DGKG: variants seen among roughly 807,000 people sequenced by gnomAD.
DGKG encodes the protein DAG kinase gamma.
DGKG carries 78 observed loss-of-function variants against 105.3 expected under a neutral mutation model. That is an observed-to-expected ratio of 0.74 (90% confidence interval 0.62 to 0.89). The LOEUF (loss-of-function observed/expected upper bound fraction) is 0.89, where lower values mean the gene tolerates loss of function less well. Among genes scored for constraint, DGKG ranks in the 40% least tolerant of loss-of-function variants. The pLI, the probability that DGKG is intolerant of heterozygous loss-of-function variation, is 0.00. For missense variants in DGKG, 958 were observed against 1,020.1 expected (o/e 0.94, Z 0.83); for synonymous variants, 346 against 367.1 (o/e 0.94, Z 0.66).
chr3:186,245,350 G>A (rs75727442), intron 19 of DGKG, among the ~76,000 whole-genome samples: 1 of 152,286 alleles, frequency 6.6e-6, no homozygotes, highest in East Asian at 1.9e-4. Flanking sequence ...AAGGCAATGA[G>A]GGTGAAGACT....
At chr3:186,317,553 G>GA (rs1560151735) in intron 2 of DGKG, among the ~76,000 whole-genome samples, 1 of 152,098 alleles carries the variant, frequency 6.6e-6, no homozygotes, top group Non-Finnish European at 1.5e-5. Context: ...TCCAGCCTGG[G>GA]AGCTGCTTGC....
intron 1 of DGKG, among the ~76,000 whole-genome samples, chr3:186,352,269 C>T (rs1438377122): frequency 2.0e-5 from 3 of 152,190 alleles, no homozygotes; most frequent in Non-Finnish European, 2.9e-5. Context: ...TAGACGGCTA[C>T]TGGGACAGCT....
intron 19 of DGKG, 69 bp downstream of exon 19, chr3:186,251,690 C>T (rs1721235408): frequency 6.3e-7 from 1 of 1,582,020 alleles, no homozygotes; most frequent in African/African-American, 1.3e-5. Flanking sequence ...CCAGAGGGGA[C>T]AACAGAAGGC....
chr3:186,236,927 G>T (rs1720447426), intron 20 of DGKG, among the ~76,000 whole-genome samples: 1 of 152,240 alleles, frequency 6.6e-6, no homozygotes, highest in Admixed American at 6.5e-5. Flanking sequence ...ACATTCCACA[G>T]TTAGACTTCT....
chr3:186,147,714 G>A lies in DGKG; in HGVS notation c.*2376C>T, dbSNP rs761916954. The A allele has an allele frequency of 1.0e-6, 1 of 985,408 alleles. No individual in the cohort carries two copies. Among genetic ancestry groups the A allele is most frequent in the South Asian group, 4.7e-5 (1 of 21,284 alleles). 61.0% of individuals were successfully genotyped at this position (985,408 alleles called of 1,614,324 possible). A position where few individuals can be genotyped will look rare whatever the true frequency, so the allele number is the denominator to read the frequency against. ...TGAGAATCAATTTCACCTGTTGATA[G>A]TGCCATGTCTCAATAGCCTCAATCT... On this transcript the variant is annotated 3_prime_UTR_variant, in exon 25 of 25. Coordinates refer to ENST00000265022, the MANE Select transcript of DGKG (RefSeq NM_001346.3).
chr3:186,357,220 A>T (rs1727010689), intron 1 of DGKG, among the ~76,000 whole-genome samples: 1 of 152,178 alleles, frequency 6.6e-6, no homozygotes, highest in Non-Finnish European at 1.5e-5. Flanking sequence ...ATCCAGGGAC[A>T]GGTTCTCTTA....
In DGKG at chr3:186,350,761, T is replaced by C. The variant is rs59441422; in HGVS notation, c.-249+11185A>G. Among the ~76,000 whole-genome samples, 402 of 152,364 alleles carry C rather than the reference T, an allele frequency of 2.6e-3. 2 individuals carry two copies. The highest frequency in any genetic ancestry group is 0.014 in the Middle Eastern group (4 of 294). On this transcript the variant is annotated intron_variant, in intron 1 of 24. Coordinates refer to ENST00000265022, the MANE Select transcript of DGKG (RefSeq NM_001346.3). ...ATCCTTGCCAACACTTGTTATTTTC[T>C]GTTCTTTTAAAAAATATACATAATA...
In DGKG at chr3:186,211,896, A is replaced by G. The variant is rs1719056944; in HGVS notation, c.1827-11T>C. 1 of 1,608,020 alleles carries G rather than the reference A, an allele frequency of 6.2e-7. No individual in the cohort carries two copies. The highest frequency in any genetic ancestry group is 1.1e-5 in the South Asian group (1 of 90,952). ...AGCTTGTTCTTCATCCTGGACCACA[A>G]AGCAGAGAGATGTCTCAATATTCCA... On this transcript the variant is annotated splice_polypyrimidine_tract_variant and intron_variant, in intron 20 of 24. Transcript: ENST00000265022.
At chr3:186,160,448 G>A (rs1716239827) in intron 24 of DGKG, 2 of 985,236 alleles carry the variant, frequency 2.0e-6, no homozygotes, top group African/African-American at 1.7e-5. Context: ...CTCCAGCAAG[G>A]TGGAAAGCTA....
At chr3:186,252,928 G>A (rs1721292156) in intron 18 of DGKG, among the ~76,000 whole-genome samples, 165 bp downstream of exon 18, 1 of 152,174 alleles carries the variant, frequency 6.6e-6, no homozygotes, top group African/African-American at 2.4e-5. Context: ...ATTCAGCATG[G>A]GATGGAGGGC....
chr3:186,235,543 C>G (rs931622209), intron 20 of DGKG, among the ~76,000 whole-genome samples: 1 of 152,190 alleles, frequency 6.6e-6, no homozygotes, highest in Admixed American at 6.5e-5. Flanking sequence ...TAATAGTGGG[C>G]TACCTCACAG....
intron 2 of DGKG, among the ~76,000 whole-genome samples, chr3:186,310,620 G>T (rs1724495249): frequency 6.6e-6 from 1 of 152,284 alleles, no homozygotes; most frequent in Middle Eastern, 3.4e-3. Context: ...AAAGAACAAC[G>T]AGGGAATAGC....
intron 20 of DGKG, among the ~76,000 whole-genome samples, chr3:186,221,677 A>G (rs1157384824): frequency 6.6e-6 from 1 of 152,192 alleles, no homozygotes; most frequent in African/African-American, 2.4e-5. Context: ...GTGAAGATAC[A>G]GGTGGGTGAG....
intron 1 of DGKG, among the ~76,000 whole-genome samples, chr3:186,347,769 G>A (rs990655509): frequency 2.0e-5 from 3 of 152,022 alleles, no homozygotes; most frequent in African/African-American, 7.2e-5. Context: ...TTTTAGTAGA[G>A]ACCAGGTTTC....
Position 186,260,474 on chromosome 3 carries a change from T to C in DGKG, c.1389A>G (p.Gln463=), listed in dbSNP as rs371250999. 41 of 1,613,514 alleles carry C rather than the reference T, an allele frequency of 2.5e-5. No homozygotes were observed. The highest frequency in any genetic ancestry group is 1.9e-4 in the African/African-American group (14 of 74,856). Residue 463 remains glutamine (Q), a synonymous_variant, in exon 16 of 25, where the codon CAA becomes CAG. Coordinates refer to ENST00000265022, the MANE Select transcript of DGKG (RefSeq NM_001346.3). ...GCCCCCCATTGTCCAGGTTGAAAAC[T>C]TGTTTGGGGTTGAGCAGATAGTGGA... ...RKFHYLLNPK[Q]VFNLDNGGPT...
intron 24 of DGKG, among the ~76,000 whole-genome samples, chr3:186,151,917 A>G (rs1715780044): frequency 1.3e-5 from 2 of 152,184 alleles, no homozygotes; most frequent in South Asian, 2.1e-4. Context: ...CGTTTGTACT[A>G]AAAATACAGA....
At chr3:186,280,842 G>T in intron 7 of DGKG, 98 bp from the exon 8 acceptor site, 1 of 976,208 alleles carries the variant, frequency 1.0e-6, no homozygotes, top group Non-Finnish European at 1.6e-6. Flanking sequence ...AAGAGGGACA[G>T]GGCAGGGCAA....
At chr3:186,296,692 G>T (rs1723833781) in intron 5 of DGKG, among the ~76,000 whole-genome samples, 2 of 152,176 alleles carry the variant, frequency 1.3e-5, no homozygotes, top group Admixed American at 1.3e-4. Context: ...TCTCTCTATA[G>T]GAAAGACTGC....
At chr3:186,267,624 GC>G (rs1208323588) in intron 13 of DGKG, 60 bp downstream of exon 13, 48 of 1,307,856 alleles carry the variant, frequency 3.7e-5, no homozygotes, top group Non-Finnish European at 5.0e-5. Flanking sequence ...TCTGAAAGCT[GC>G]CTACATCTGA....
Sources: gnomAD v4.1 joint callset for allele counts (sites outside exome capture counted in the v4.1 genomes callset) on GRCh38, gnomAD v4.1.1 for gene constraint, MANE v1.5 for transcripts, NCBI Gene and HGNC (gene_info 2026-07-23, HGNC 2026-07-21) for gene names.